SYTL5: variants seen among roughly 807,000 people sequenced by gnomAD.
The protein encoded by SYTL5 is synaptotagmin-like protein 5.
In SYTL5, 34 loss-of-function variants were observed where a neutral mutation model predicts 55.9. The observed-to-expected ratio is 0.61, with a 90% CI of 0.46 to 0.81. The LOEUF (loss-of-function observed/expected upper bound fraction) is 0.81. SYTL5 is among the 30% of genes least tolerant of loss of function. The pLI is 0.00. For synonymous variants in SYTL5, 221 were observed against 188.7 expected (o/e 1.17, Z -1.40); for missense variants, 637 against 546.7 (o/e 1.17, Z -1.65).
At chrX:37,965,713 G>A in the SYTL5 span, among the ~76,000 whole-genome samples, 2 of 111,541 alleles carry the variant, frequency 1.8e-5, no homozygotes, top group African/African-American at 3.3e-5. Context: ...GTATTGAATC[G>A]CCTACTATTA....
chrX:38,079,612 CT>C (rs1936476496), intron 6 of SYTL5, among the ~76,000 whole-genome samples: 1 of 112,122 alleles, frequency 8.9e-6, no homozygotes, highest in African/African-American at 3.2e-5. Context: ...AAACAGACCC[CT>C]AGACAAGGAT....
chrX:38,045,597 T>G (rs1935436461), intron 2 of SYTL5, among the ~76,000 whole-genome samples: 1 of 112,084 alleles, frequency 8.9e-6, no homozygotes, highest in African/African-American at 3.2e-5. Flanking sequence ...GACTTCACAA[T>G]GCCCTCTTTC....
the SYTL5 span, among the ~76,000 whole-genome samples, chrX:37,893,518 CTATAATCTATCTATAGATAATA>C: frequency 1.2e-5 from 1 of 86,546 alleles, no homozygotes; most frequent in Non-Finnish European, 2.2e-5. Flanking sequence ...TATATATAAT[CTATAATCTATCTATAGATAATA>C]TATAATCTAT....
chrX:38,011,294 A>G (rs757337202), intron 1 of SYTL5, among the ~76,000 whole-genome samples: 3 of 112,400 alleles, frequency 2.7e-5, no homozygotes, highest in African/African-American at 9.7e-5. Flanking sequence ...TTGAGCATCA[A>G]ACAAAGGCCT....
At chrX:38,102,254 A>G in intron 9 of SYTL5, 88 bp from the exon 10 acceptor site, 1 of 591,660 alleles carries the variant, frequency 1.7e-6, no homozygotes, top group South Asian at 2.8e-5. Flanking sequence ...ATTCTCAAAT[A>G]TTTATGAAAG....
chrX:38,017,773 A>G (rs1209208101), intron 1 of SYTL5, among the ~76,000 whole-genome samples: 1 of 108,529 alleles, frequency 9.2e-6, no homozygotes, highest in Non-Finnish European at 1.9e-5. Context: ...GAGCTTATAT[A>G]CCTTCTAAGC....
chrX:38,042,645 G>A (rs6520966), intron 2 of SYTL5, among the ~76,000 whole-genome samples: 31,520 of 109,870 alleles, frequency 0.29, 6,321 homozygotes, highest in African/African-American at 0.71. Context: ...GCAGGGGTTA[G>A]TTGGCACTCA....
intron 2 of SYTL5, among the ~76,000 whole-genome samples, chrX:38,042,798 A>G (rs1935325891): frequency 8.9e-6 from 1 of 112,128 alleles, no homozygotes; most frequent in African/African-American, 3.2e-5. Context: ...GTCAGCTCAT[A>G]AGGGAATATC....
chrX:38,078,741 C>G (rs1015510256), intron 6 of SYTL5, among the ~76,000 whole-genome samples: 3 of 112,400 alleles, frequency 2.7e-5, no homozygotes, highest in Non-Finnish European at 5.6e-5. Flanking sequence ...TTATCTACTA[C>G]TAGGCATAAA....
chrX:38,021,487 C>A (rs1876789699), intron 1 of SYTL5, among the ~76,000 whole-genome samples: 1 of 112,145 alleles, frequency 8.9e-6, no homozygotes, highest in African/African-American at 3.2e-5. Flanking sequence ...AACGAGATAT[C>A]CCACAGAGCT....
At chrX:38,002,328 G>A (rs1268619367), upstream of SYTL5, among the ~76,000 whole-genome samples, 242 of 111,740 alleles carry the variant, frequency 2.2e-3, no homozygotes, top group Non-Finnish European at 2.8e-3. Context: ...ATAAACATAC[G>A]TGTGCATGTG....
At chrX:37,990,513 C>T in the SYTL5 span, among the ~76,000 whole-genome samples, 1 of 112,388 alleles carries the variant, frequency 8.9e-6, no homozygotes, top group African/African-American at 3.2e-5. Flanking sequence ...GTCCTAAAGA[C>T]AGAGCAAAGT....
chrX:38,098,486 C>A (rs1488176690), intron 9 of SYTL5, among the ~76,000 whole-genome samples: 3 of 110,464 alleles, frequency 2.7e-5, no homozygotes. Flanking sequence ...AAATTAAAAT[C>A]ACAATGAGAT....
At chrX:37,922,343 C>A in the SYTL5 span, among the ~76,000 whole-genome samples, 2 of 111,566 alleles carry the variant, frequency 1.8e-5, no homozygotes, top group Non-Finnish European at 3.8e-5. Context: ...AAATTGTCTG[C>A]AGTTATAATG....
At chrX:37,967,121 G>A in the SYTL5 span, among the ~76,000 whole-genome samples, 1 of 111,369 alleles carries the variant, frequency 9.0e-6, no homozygotes, top group African/African-American at 3.3e-5. Context: ...GTGCGAACTC[G>A]GCTTACGGCG....
At chrX:37,893,629 ATATATATAAT>A in the SYTL5 span, among the ~76,000 whole-genome samples, 17 of 68,778 alleles carry the variant, frequency 2.5e-4, no homozygotes, top group East Asian at 2.1e-3. Flanking sequence ...TATATAATCT[ATATATATAAT>A]TATATATAAT....
At chrX:37,905,498 A>G in the SYTL5 span, among the ~76,000 whole-genome samples, 6 of 109,142 alleles carry the variant, frequency 5.5e-5, no homozygotes, top group Middle Eastern at 4.6e-3. Context: ...GGAAAGACCT[A>G]TGGAAAAGGA....
chrX:37,951,710 G>A, the SYTL5 span, among the ~76,000 whole-genome samples: 1 of 111,526 alleles, frequency 9.0e-6, no homozygotes, highest in Non-Finnish European at 1.9e-5. Context: ...TAAGGCAGGA[G>A]TGGTGAGGGA....
upstream of SYTL5, among the ~76,000 whole-genome samples, chrX:38,005,433 T>C (rs919836763): frequency 7.1e-5 from 8 of 111,927 alleles, no homozygotes; most frequent in African/African-American, 2.3e-4. Flanking sequence ...AATTATTATG[T>C]ATTCAAAGAA....
Sources: gnomAD v4.1 joint callset for allele counts (sites outside exome capture counted in the v4.1 genomes callset) on GRCh38, gnomAD v4.1.1 for gene constraint, MANE v1.5 for transcripts, NCBI Gene and HGNC (gene_info 2026-07-23, HGNC 2026-07-21) for gene names.